MCTP1: variants seen among roughly 807,000 people sequenced by gnomAD.
The protein encoded by MCTP1 is multiple C2 and transmembrane domain containing 1, also known as multiple C2 and transmembrane domain-containing protein 1.
A neutral mutation model predicts 120.6 loss-of-function variants in MCTP1; 69 were observed. That is an observed-to-expected ratio of 0.57 (90% CI 0.47 to 0.70). The LOEUF (loss-of-function observed/expected upper bound fraction) is 0.70, where lower values mean the gene tolerates loss of function less well. Ranked by LOEUF, MCTP1 falls within the 30% of genes least tolerant of loss-of-function variation. MCTP1 has a pLI of 0.00. For missense variants in MCTP1, 1,203 were observed against 1,248.8 expected, an observed-to-expected ratio of 0.96 and a Z score of 0.55; for synonymous variants, 529 against 493.1, an observed-to-expected ratio of 1.07 and a Z score of -0.96.
At chr5:95,200,906 A>G (rs544556296) in intron 1 of MCTP1, among the ~76,000 whole-genome samples, 1 of 149,692 alleles carries the variant, frequency 6.7e-6, no homozygotes, top group South Asian at 2.1e-4. Context: ...GTTGTACATG[A>G]TAAACATATA....
intron 12 of MCTP1, among the ~76,000 whole-genome samples, chr5:94,883,042 A>G (rs146256040): frequency 5.9e-5 from 9 of 152,328 alleles, no homozygotes; most frequent in Admixed American, 2.0e-4. Context: ...AGGTTTTAAA[A>G]ATGCAATTAC....
chr5:94,719,425 A>T (rs374767361), intron 19 of MCTP1, among the ~76,000 whole-genome samples: 1 of 152,218 alleles, frequency 6.6e-6, no homozygotes, highest in Non-Finnish European at 1.5e-5. Context: ...CCAACAATGC[A>T]TAAGTGATAG....
chr5:95,003,608 A>G (rs961366061), intron 2 of MCTP1, among the ~76,000 whole-genome samples: 25 of 152,238 alleles, frequency 1.6e-4, no homozygotes, highest in Non-Finnish European at 2.9e-5. Flanking sequence ...CTATGTAAAT[A>G]AAACAGTAAA....
intron 1 of MCTP1, among the ~76,000 whole-genome samples, chr5:95,208,490 A>AT (rs991531008): frequency 5.9e-5 from 9 of 152,124 alleles, no homozygotes; most frequent in Non-Finnish European, 1.3e-4. Context: ...TTTATGAAAT[A>AT]TTTTCCCATG....
intron 2 of MCTP1, among the ~76,000 whole-genome samples, chr5:94,995,265 T>A (rs1046050392): frequency 2.6e-5 from 4 of 152,194 alleles, no homozygotes; most frequent in Non-Finnish European, 5.9e-5. Context: ...AAACACAGAT[T>A]CGTGGGTCTC....
chr5:94,732,086 A>G (rs943185526), intron 19 of MCTP1, among the ~76,000 whole-genome samples: 11 of 152,238 alleles, frequency 7.2e-5, no homozygotes, highest in Non-Finnish European at 1.3e-4. Flanking sequence ...AGTTTTTAGC[A>G]ATTACATTTA....
chr5:94,769,171 G>A (rs1046192342), intron 19 of MCTP1, among the ~76,000 whole-genome samples: 3 of 152,068 alleles, frequency 2.0e-5, no homozygotes, highest in African/African-American at 7.2e-5. Context: ...ACTCATCTGC[G>A]GGAGCTAAAA....
chr5:95,194,816 A>T (rs1352556209), intron 1 of MCTP1, among the ~76,000 whole-genome samples: 1 of 152,210 alleles, frequency 6.6e-6, no homozygotes, highest in East Asian at 1.9e-4. Flanking sequence ...GAACCTTCCA[A>T]ACACACAGAA....
At chr5:95,032,900 G>C (rs1182749709) in intron 1 of MCTP1, among the ~76,000 whole-genome samples, 1 of 151,890 alleles carries the variant, frequency 6.6e-6, no homozygotes, top group East Asian at 1.9e-4. Flanking sequence ...AATGACCAGG[G>C]TGACATTACA....
intron 20 of MCTP1, 23 bp downstream of exon 20, chr5:94,714,754 G>T (rs1758455533): frequency 7.4e-7 from 1 of 1,345,102 alleles, no homozygotes; most frequent in Non-Finnish European, 1.1e-6. Flanking sequence ...GAAGAATGGG[G>T]CTCACAGGTC....
chr5:95,178,410 T>A (rs992600926), intron 1 of MCTP1, among the ~76,000 whole-genome samples: 5 of 152,206 alleles, frequency 3.3e-5, no homozygotes, highest in African/African-American at 1.2e-4. Context: ...AGTGCAGTGG[T>A]GCACTCTTGT....
intron 1 of MCTP1, among the ~76,000 whole-genome samples, chr5:95,042,199 A>C (rs1842469604): frequency 6.6e-6 from 1 of 151,924 alleles, no homozygotes; most frequent in African/African-American, 2.4e-5. Flanking sequence ...AATGCCGGTA[A>C]GGAAGTATTT....
chr5:94,968,500 C>T (rs1045106889), intron 2 of MCTP1, among the ~76,000 whole-genome samples: 1 of 152,116 alleles, frequency 6.6e-6, no homozygotes, highest in African/African-American at 2.4e-5. Context: ...ATTGACTTTA[C>T]AGTGGATTTA....
At chr5:95,260,128 T>C (rs75992737) in intron 1 of MCTP1, among the ~76,000 whole-genome samples, 1 of 152,144 alleles carries the variant, frequency 6.6e-6, no homozygotes. Context: ...GCCTTCCCCA[T>C]GTATCTGTAA....
chr5:95,256,634 T>G (rs182418823), intron 1 of MCTP1, among the ~76,000 whole-genome samples: 2 of 152,306 alleles, frequency 1.3e-5, no homozygotes. Context: ...GTGTAACCAA[T>G]TCCCTATATT....
At chr5:95,223,643 CT>C in intron 1 of MCTP1, among the ~76,000 whole-genome samples, 1 of 152,172 alleles carries the variant, frequency 6.6e-6, no homozygotes, top group South Asian at 2.1e-4. Context: ...CCACAAGTCT[CT>C]TTTGTATATT....
At chr5:94,824,240 G>T (rs1349584616) in intron 17 of MCTP1, among the ~76,000 whole-genome samples, 1 of 152,132 alleles carries the variant, frequency 6.6e-6, no homozygotes, top group Non-Finnish European at 1.5e-5. Context: ...TTTATTCAAT[G>T]TTTTTAGCAT....
Position 94,904,157 on chromosome 5 carries a change from T to C in MCTP1, c.1652+5094A>G, listed in dbSNP as rs373122208. 3.3e-5 allele frequency among the ~76,000 whole-genome samples: 5 copies of C among 152,366 alleles called. No homozygotes were observed. The East Asian group carries it at 7.7e-4, about 23-fold the overall frequency. ...GTTCAAACTTGCAATATGGTGTGCA[T>C]CACCTAAGTTAGTTTACCGAGTACT... is the stretch of plus-strand genomic sequence containing the variant. On this transcript the variant is annotated intron_variant, in intron 10 of 22. Transcript: ENST00000515393.
At chr5:94,760,861 T>C (rs1383048517) in intron 19 of MCTP1, among the ~76,000 whole-genome samples, 1 of 151,722 alleles carries the variant, frequency 6.6e-6, no homozygotes, top group East Asian at 1.9e-4. Context: ...ATTTTTATAT[T>C]TTTCATAGAG....
Sources: gnomAD v4.1 joint callset for allele counts (sites outside exome capture counted in the v4.1 genomes callset) on GRCh38, gnomAD v4.1.1 for gene constraint, MANE v1.5 for transcripts, NCBI Gene and HGNC (gene_info 2026-07-23, HGNC 2026-07-21) for gene names.